The following ZNF727 variants were observed in gnomAD, a reference collection of about 807,000 sequenced individuals.
The protein encoded by ZNF727 is zinc finger protein 727.
In ZNF727, 11 loss-of-function variants were observed where a neutral mutation model predicts 11.5. That is an observed-to-expected ratio of 0.95 (90% CI 0.60 to 1.58). ZNF727 has a LOEUF of 1.58. Ranked by LOEUF, ZNF727 falls within the 40% of genes most tolerant of loss-of-function variation. The probability of loss-of-function intolerance (pLI) is 0.00; values close to 1 mark genes in which losing one functional copy is unlikely to be tolerated. For synonymous variants in ZNF727, 171 were observed against 196.1 expected, an observed-to-expected ratio of 0.87 and a Z score of 1.07; for missense variants, 533 against 581.7, an observed-to-expected ratio of 0.92 and a Z score of 0.86.
At chr7:64,062,801 AT>A (rs1025177186) in intron 1 of ZNF727, among the ~76,000 whole-genome samples, 48 of 139,496 alleles carry the variant, frequency 3.4e-4, no homozygotes, top group Middle Eastern at 3.7e-3. Flanking sequence ...TCTTGAGGCT[AT>A]TTTTTTTTTG....
chr7:64,046,880 C>T (rs1400894841), intron 1 of ZNF727, among the ~76,000 whole-genome samples: 1 of 151,994 alleles, frequency 6.6e-6, no homozygotes. Flanking sequence ...TGATTGGTTA[C>T]AGTTATGTAT....
At chr7:64,075,490 T>G (rs1190463511) in intron 3 of ZNF727, among the ~76,000 whole-genome samples, 4 of 152,070 alleles carry the variant, frequency 2.6e-5, no homozygotes, top group African/African-American at 9.7e-5. Flanking sequence ...ATCAATCTAG[T>G]TGCCTATCAG....
chr7:64,056,932 G>A (rs1789694380), intron 1 of ZNF727, among the ~76,000 whole-genome samples: 1 of 151,996 alleles, frequency 6.6e-6, no homozygotes, highest in South Asian at 2.1e-4. Context: ...GTATGTGTTT[G>A]TATAAAGACA....
intron 3 of ZNF727, among the ~76,000 whole-genome samples, chr7:64,074,304 G>A (rs1584155237): frequency 1.3e-5 from 2 of 152,076 alleles, no homozygotes; most frequent in African/African-American, 4.8e-5. Context: ...ATTTTTTGAT[G>A]CATACTTATT....
intron 1 of ZNF727, among the ~76,000 whole-genome samples, chr7:64,064,494 C>G (rs139839645): frequency 0.012 from 1,825 of 152,214 alleles, 16 homozygotes; most frequent in Non-Finnish European, 0.02. Flanking sequence ...CTTTACTCTT[C>G]TCTCCCCTTT....
chr7:64,075,396 A>G lies in ZNF727; in HGVS notation c.227-1880A>G, dbSNP rs111704979. Among the ~76,000 whole-genome samples, 755 of 152,160 alleles carry G rather than the reference A, an allele frequency of 5.0e-3. 10 individuals are homozygous for G. The highest frequency in any genetic ancestry group is 0.018 in the African/African-American group (733 of 41,520). On this transcript the variant is annotated intron_variant, in intron 3 of 3. Coordinates refer to ENST00000456806, the MANE Select transcript of ZNF727 (RefSeq NM_001159522.3). The stretch of plus-strand genomic sequence containing the variant: ...TCATCAAAGCTTTTTATAAATGATT[A>G]TAATGCATTTTCTATAACATGTTAT...
intron 1 of ZNF727, among the ~76,000 whole-genome samples, chr7:64,048,001 A>C (rs1227569721): frequency 6.6e-6 from 1 of 152,208 alleles, no homozygotes; most frequent in African/African-American, 2.4e-5. Context: ...GTGATGATCA[A>C]GTACTTTAGT....
chr7:64,064,315 C>G (rs1267301826), intron 1 of ZNF727, among the ~76,000 whole-genome samples: 2 of 152,120 alleles, frequency 1.3e-5, no homozygotes, highest in Admixed American at 1.3e-4. Context: ...GGTGATGAAT[C>G]CTGCCAGAAC....
rs757752788 is a variant in ZNF727, at chr7:64,077,789, A to G, written c.740A>G (p.Lys247Arg). The change falls in exon 4 of 4, where the codon AAG becomes AGG. Residue 247 changes from lysine (K) to arginine (R), a missense_variant. This residue lies in a region of ZNF727 where 463 missense variants were observed against 494.5 expected (regional missense o/e 0.94). Coordinates refer to ENST00000456806, the MANE Select transcript of ZNF727 (RefSeq NM_001159522.3). ...TGTTCCTCAGCCCTTACTAAACACA[A>G]GAGAAATCATACTGGAGACAGACCC... ...FTCSSALTKH[K>R]RNHTGDRPYK... is the part of the protein sequence containing the mutation. The G allele has an allele frequency of 6.4e-7, 1 of 1,572,528 alleles. No homozygotes were observed. Among genetic ancestry groups the G allele is most frequent in the Non-Finnish European group, 8.6e-7 (1 of 1,158,510 alleles).
At chr7:64,046,978 GTT>G (rs201543485) in intron 1 of ZNF727, among the ~76,000 whole-genome samples, 3 of 148,114 alleles carry the variant, frequency 2.0e-5, no homozygotes, top group South Asian at 2.1e-4. Flanking sequence ...TAAGTTTTGT[GTT>G]TTTTTTTTTT....
chr7:64,065,246 A>G (rs1789844335), intron 1 of ZNF727, among the ~76,000 whole-genome samples: 1 of 152,136 alleles, frequency 6.6e-6, no homozygotes, highest in Non-Finnish European at 1.5e-5. Context: ...TTAGTCCCAG[A>G]TAAAGATCAT....
chr7:64,045,584 T>G lies in ZNF727; in HGVS notation c.-38T>G. 2 of 1,553,212 alleles carry G rather than the reference T, an allele frequency of 1.3e-6. No homozygotes were observed. Among genetic ancestry groups the G allele is most frequent in the Non-Finnish European group, 1.7e-6 (2 of 1,147,872 alleles). Reference sequence around the variant, plus strand: ...CCTGTGACCTGCAGGTACTGGGAGATCCATAGGGAAGAAGGCGGAACATCC... The same window carrying G: ...CCTGTGACCTGCAGGTACTGGGAGAGCCATAGGGAAGAAGGCGGAACATCC... On this transcript the variant is annotated 5_prime_UTR_variant, in exon 1 of 4. Coordinates refer to ENST00000456806, the MANE Select transcript of ZNF727 (RefSeq NM_001159522.3).
At position 64,078,484 on chromosome 7, in the gene ZNF727, C is replaced by A; in HGVS notation, c.1435C>A (p.Pro479Thr). Residue 479 changes from proline to threonine, a missense_variant, in exon 4 of 4, where the codon CCT becomes ACT. Around this residue, in one of 3 missense-constraint regions of ZNF727, gnomAD observed 54 missense variants for 48.6 expected, o/e 1.11. Coordinates refer to ENST00000456806, the MANE Select transcript of ZNF727 (RefSeq NM_001159522.3). ...CAAGAGAAGTCATACTGGAGACAGA[C>A]CTACAAGTGCAAAGAATGTGGCAAA... ...KHKRSHTGDRPTSAKNVAKPL... is the reference protein window; with the variant it reads ...KHKRSHTGDRTTSAKNVAKPL... The A allele has an allele frequency of 6.4e-7, 1 of 1,565,422 alleles. No individual in the cohort carries two copies. The highest frequency in any genetic ancestry group is 8.7e-7 in the Non-Finnish European group (1 of 1,154,706).
At chr7:64,053,227 G>C (rs1035342557) in intron 1 of ZNF727, among the ~76,000 whole-genome samples, 1 of 152,122 alleles carries the variant, frequency 6.6e-6, no homozygotes, top group Non-Finnish European at 1.5e-5. Context: ...CCTGGTGGGA[G>C]GTAATTGAAT....
chr7:64,077,238 A>G, intron 3 of ZNF727, 38 bp from the exon 4 acceptor site: 2 of 1,467,982 alleles, frequency 1.4e-6, no homozygotes, highest in Non-Finnish European at 1.8e-6. Flanking sequence ...CCTAAGTCTG[A>G]TGAGGGAGAA....
intron 1 of ZNF727, among the ~76,000 whole-genome samples, chr7:64,055,098 A>G (rs1429457423): frequency 1.3e-5 from 2 of 152,122 alleles, no homozygotes; most frequent in Non-Finnish European, 2.9e-5. Flanking sequence ...TATGCATAAC[A>G]TAGAATATAT....
At chr7:64,060,176 G>C (rs1789748504) in intron 1 of ZNF727, among the ~76,000 whole-genome samples, 1 of 152,098 alleles carries the variant, frequency 6.6e-6, no homozygotes, top group African/African-American at 2.4e-5. Flanking sequence ...TAAATATGGT[G>C]ATTTTTATTT....
At chr7:64,060,891 G>T (rs1363284413) in intron 1 of ZNF727, among the ~76,000 whole-genome samples, 1 of 151,686 alleles carries the variant, frequency 6.6e-6, no homozygotes, top group Non-Finnish European at 1.5e-5. Flanking sequence ...TTTCTTTCAA[G>T]AACATTTTAA....
At chr7:64,075,592 C>T (rs1363525893) in intron 3 of ZNF727, among the ~76,000 whole-genome samples, 3 of 152,034 alleles carry the variant, frequency 2.0e-5, no homozygotes, top group African/African-American at 4.8e-5. Context: ...AACACTGATG[C>T]AGCTGAAAGC....
Sources: gnomAD v4.1 joint callset for allele counts (sites outside exome capture counted in the v4.1 genomes callset) on GRCh38, gnomAD v4.1.1 for gene constraint, gnomAD v4.1.1 regional missense constraint, MANE v1.5 for transcripts, NCBI Gene and HGNC (gene_info 2026-07-23, HGNC 2026-07-21) for gene names.